The following NIBAN1 variants were observed in gnomAD, a reference collection of about 807,000 sequenced individuals.
NIBAN1 encodes protein Niban 1.
Under a neutral mutation model 75.1 loss-of-function variants are expected in NIBAN1, and 81 were observed. The observed-to-expected ratio is 1.08, with a 90% CI of 0.90 to 1.30. NIBAN1 has a LOEUF of 1.30. Ranked by LOEUF, NIBAN1 falls within the 50% of genes most tolerant of loss-of-function variation. NIBAN1 has a pLI of 0.00. For synonymous variants in NIBAN1, 436 were observed against 424.8 expected, an observed-to-expected ratio of 1.03 and a Z score of -0.32; for missense variants, 1,133 against 1,128.1, an observed-to-expected ratio of 1.00 and a Z score of -0.06.
intron 5 of NIBAN1, among the ~76,000 whole-genome samples, chr1:184,842,734 A>C (rs2102253350): frequency 6.6e-6 from 1 of 150,778 alleles, no homozygotes; most frequent in South Asian, 2.1e-4. Flanking sequence ...GTGCCATTGC[A>C]GCCTGGGCGA....
intron 1 of NIBAN1, among the ~76,000 whole-genome samples, chr1:184,966,229 G>C (rs966021926): frequency 2.6e-5 from 4 of 152,224 alleles, no homozygotes; most frequent in Non-Finnish European, 5.9e-5. Context: ...AAATGTGGCA[G>C]AGTAATGTGG....
At chr1:184,917,322 C>T (rs1393165788) in intron 1 of NIBAN1, among the ~76,000 whole-genome samples, 7 of 151,484 alleles carry the variant, frequency 4.6e-5, no homozygotes, top group Non-Finnish European at 7.4e-5. Flanking sequence ...CTGCCTCAGC[C>T]TCCCGAGTAG....
chr1:184,906,966 T>G (rs112956890), intron 1 of NIBAN1, among the ~76,000 whole-genome samples: 66 of 152,364 alleles, frequency 4.3e-4, no homozygotes, highest in African/African-American at 1.5e-3. Context: ...TAGCAGATTA[T>G]GCCTCGTTCC....
intron 4 of NIBAN1, among the ~76,000 whole-genome samples, chr1:184,886,413 G>A (rs1429612859): frequency 2.0e-5 from 3 of 152,286 alleles, no homozygotes; most frequent in Middle Eastern, 3.4e-3. Context: ...TTAGCCCACA[G>A]CACAGTCATG....
At chr1:184,834,232 C>T (rs1406854212) in intron 5 of NIBAN1, among the ~76,000 whole-genome samples, 1 of 152,136 alleles carries the variant, frequency 6.6e-6, no homozygotes, top group African/African-American at 2.4e-5. Context: ...TGTATATGTG[C>T]CACATTTTCT....
intron 10 of NIBAN1, among the ~76,000 whole-genome samples, chr1:184,807,167 G>A (rs760796760): frequency 2.6e-5 from 4 of 152,030 alleles, no homozygotes; most frequent in East Asian, 1.9e-4. Context: ...TACAGTGTCC[G>A]GCCCACAGTA....
At chr1:184,815,463 C>T (rs1195131014) in intron 9 of NIBAN1, among the ~76,000 whole-genome samples, 1 of 152,142 alleles carries the variant, frequency 6.6e-6, no homozygotes, top group Non-Finnish European at 1.5e-5. Flanking sequence ...CTAATCTAAC[C>T]AGGACAGTTT....
intron 1 of NIBAN1, among the ~76,000 whole-genome samples, chr1:184,967,586 G>C (rs1658829222): frequency 6.6e-6 from 1 of 152,138 alleles, no homozygotes; most frequent in Non-Finnish European, 1.5e-5. Flanking sequence ...TGTGAACCCA[G>C]TTCAAACCTT....
At chr1:184,900,708 T>A (rs138483915) in intron 1 of NIBAN1, among the ~76,000 whole-genome samples, 55 of 152,138 alleles carry the variant, frequency 3.6e-4, no homozygotes, top group African/African-American at 1.3e-3. Context: ...AGGGTGGGTG[T>A]AGGAGCATTC....
intron 5 of NIBAN1, among the ~76,000 whole-genome samples, chr1:184,857,368 T>C (rs1218259152): frequency 6.6e-6 from 1 of 152,234 alleles, no homozygotes; most frequent in Non-Finnish European, 1.5e-5. Context: ...AAAAGCACAC[T>C]ACAACATTTA....
At chr1:184,917,037 A>G (rs1657402078) in intron 1 of NIBAN1, among the ~76,000 whole-genome samples, 1 of 152,086 alleles carries the variant, frequency 6.6e-6, no homozygotes, top group Admixed American at 6.5e-5. Flanking sequence ...CCACGGATCA[A>G]CCCACCTGCC....
intron 1 of NIBAN1, among the ~76,000 whole-genome samples, chr1:184,926,535 G>A (rs1323214680): frequency 6.6e-6 from 1 of 152,154 alleles, no homozygotes; most frequent in Non-Finnish European, 1.5e-5. Context: ...ACCACACCCA[G>A]CCTCTGTTGT....
intron 8 of NIBAN1, among the ~76,000 whole-genome samples, chr1:184,822,931 C>A (rs1316055395): frequency 6.6e-6 from 1 of 152,102 alleles, no homozygotes; most frequent in Non-Finnish European, 1.5e-5. Context: ...GTATCAAATA[C>A]ACAGGCACTG....
chr1:184,857,616 T>C (rs555573284), intron 5 of NIBAN1, among the ~76,000 whole-genome samples: 2 of 152,326 alleles, frequency 1.3e-5, no homozygotes, highest in African/African-American at 4.8e-5. Context: ...GAAAATGTTC[T>C]TATTAAAGAA....
At chr1:184,898,073 T>C (rs1656850378) in intron 2 of NIBAN1, among the ~76,000 whole-genome samples, 1 of 152,204 alleles carries the variant, frequency 6.6e-6, no homozygotes, top group South Asian at 2.1e-4. Context: ...CAAAACCCTG[T>C]TGTGACCCAC....
At chr1:184,963,120 T>A (rs1246254872) in intron 1 of NIBAN1, among the ~76,000 whole-genome samples, 6 of 152,092 alleles carry the variant, frequency 3.9e-5, no homozygotes, top group Non-Finnish European at 8.8e-5. Flanking sequence ...AAAAATTTTT[T>A]AAAGACATTT....
chr1:184,936,018 G>C (rs1208336104), intron 1 of NIBAN1, among the ~76,000 whole-genome samples: 2 of 131,038 alleles, frequency 1.5e-5, no homozygotes, highest in Admixed American at 7.9e-5. Flanking sequence ...TTTTGTGATA[G>C]ATGAAAAAAA....
intron 1 of NIBAN1, among the ~76,000 whole-genome samples, chr1:184,913,415 A>G (rs1657301422): frequency 6.6e-6 from 1 of 152,080 alleles, no homozygotes; most frequent in South Asian, 2.1e-4. Flanking sequence ...GTAGAAAGTT[A>G]GTAAGAGCCC....
In NIBAN1 at chr1:184,891,553, C is replaced by T. The variant is rs77258024; in HGVS notation, c.319-1331G>A. 3.4e-3 allele frequency among the ~76,000 whole-genome samples: 512 copies of T among 152,288 alleles called. 8 individuals are homozygous for T. The East Asian group carries it at 0.038, about 11-fold the overall frequency. ...ACTTAATCCTCAAAACAGTACTATG[C>T]ATTACATGTTATCTCCATTTTTCAA... On this transcript the variant is annotated intron_variant, in intron 3 of 13. Coordinates refer to ENST00000367511, the MANE Select transcript of NIBAN1 (RefSeq NM_052966.4).
Sources: allele counts gnomAD v4.1 joint callset (sites outside exome capture counted in the v4.1 genomes callset), GRCh38; gene constraint gnomAD v4.1.1; transcripts MANE v1.5; gene names NCBI Gene and HGNC (gene_info 2026-07-23, HGNC 2026-07-21).